ALDH7A1: variants seen among roughly 807,000 people sequenced by gnomAD.
ALDH7A1 encodes aldehyde dehydrogenase 7 family member A1, also known as alpha-aminoadipic semialdehyde dehydrogenase.
Under a neutral mutation model 79.9 loss-of-function variants are expected in ALDH7A1, and 63 were observed. The observed-to-expected ratio is 0.79, with a 90% CI of 0.64 to 0.97. ALDH7A1 has a LOEUF of 0.97. Among genes scored for constraint, ALDH7A1 ranks in the 50% least tolerant of loss-of-function variants. The probability of loss-of-function intolerance (pLI) is 0.00; values close to 1 mark genes in which losing one functional copy is unlikely to be tolerated. For missense variants in ALDH7A1, 627 were observed against 665.2 expected (o/e 0.94, Z 0.63); for synonymous variants, 240 against 231.2 (o/e 1.04, Z -0.34).
chr5:126,591,890 G>A (rs951148566), intron 3 of ALDH7A1: 5 of 152,190 alleles, frequency 3.3e-5, no homozygotes, highest in Non-Finnish European at 7.3e-5. Flanking sequence ...CAAGGAACAT[G>A]AGCCTCTGGC....
chr5:126,562,840 C>G (rs1415849825), intron 9 of ALDH7A1, among the ~76,000 whole-genome samples: 2 of 152,124 alleles, frequency 1.3e-5, no homozygotes, highest in Admixed American at 1.3e-4. Context: ...GAGCGAGACT[C>G]CATGGTTGTA....
intron 13 of ALDH7A1, among the ~76,000 whole-genome samples, chr5:126,554,064 C>T (rs1035058101): frequency 7.9e-5 from 12 of 152,056 alleles, no homozygotes; most frequent in African/African-American, 1.9e-4. Flanking sequence ...GCCAAGATTG[C>T]GCCACTGCAC....
At chr5:126,545,488 C>A (rs1749755495) in intron 17 of ALDH7A1, among the ~76,000 whole-genome samples, 1 of 142,904 alleles carries the variant, frequency 7.0e-6, no homozygotes, top group Non-Finnish European at 1.5e-5. Flanking sequence ...GTCTTGAACT[C>A]CTGACCTCAA....
At chr5:126,584,175 A>C (rs1751276628) in intron 3 of ALDH7A1, among the ~76,000 whole-genome samples, 163 bp from the exon 4 acceptor site, 1 of 152,210 alleles carries the variant, frequency 6.6e-6, no homozygotes, top group African/African-American at 2.4e-5. Flanking sequence ...CCAAAATAAG[A>C]AGCAAGGCAT....
intron 3 of ALDH7A1, among the ~76,000 whole-genome samples, chr5:126,584,917 G>A (rs1198204212): frequency 6.6e-6 from 1 of 152,174 alleles, no homozygotes; most frequent in East Asian, 1.9e-4. Context: ...AGTTTGAGAT[G>A]TGATTTATGA....
At position 126,565,545 on chromosome 5, in the gene ALDH7A1, C is replaced by T. The variant is rs80129827; in HGVS notation, c.871+2714G>A. Among the ~76,000 whole-genome samples, 1,171 of 152,056 alleles carry T rather than the reference C, an allele frequency of 7.7e-3. 6 individuals carry two copies. The highest frequency in any genetic ancestry group is 0.012 in the Non-Finnish European group (813 of 68,000). ...TCAAATGACTTACAAACATTTTCTG[C>T]CATTCGGTAGGTTGTTCTTTTCACT... is the stretch of plus-strand genomic sequence containing the variant. On this transcript the variant is annotated intron_variant, in intron 9 of 17. Coordinates refer to ENST00000409134, the MANE Select transcript of ALDH7A1 (RefSeq NM_001182.5).
chr5:126,564,621 T>C (rs1481885550), intron 9 of ALDH7A1: 4 of 1,207,824 alleles, frequency 3.3e-6, no homozygotes, highest in Middle Eastern at 2.1e-4. Context: ...AAGTGAATAT[T>C]AATTATGAAG....
intron 16 of ALDH7A1, chr5:126,549,359 A>G (rs1210031876): frequency 6.6e-6 from 1 of 152,468 alleles, no homozygotes; most frequent in East Asian, 1.9e-4. Context: ...AAAAAAAACA[A>G]GCAATCTGTT....
rs558168250 is a variant in ALDH7A1, at chr5:126,559,669, G to A, written c.914-335C>T. 1.1e-3 allele frequency among the ~76,000 whole-genome samples: 166 copies of A among 152,254 alleles called. 1 individual carries two copies. Among genetic ancestry groups the A allele is most frequent in the Non-Finnish European group, 1.7e-3 (115 of 68,022 alleles). On this transcript the variant is annotated intron_variant, in intron 10 of 17. Coordinates refer to ENST00000409134, the MANE Select transcript of ALDH7A1 (RefSeq NM_001182.5). ...GCCACTTTCAAACTCCTGACCTCAAGTGATGCACCCACCTTGGCCTCCCAA... is the reference window on the plus strand; with the variant it reads ...GCCACTTTCAAACTCCTGACCTCAAATGATGCACCCACCTTGGCCTCCCAA...
intron 10 of ALDH7A1, 100 bp from the exon 11 acceptor site, chr5:126,559,434 G>GTTT (rs759132307): frequency 0.02 from 8,489 of 434,408 alleles, 4 homozygotes; most frequent in Non-Finnish European, 0.026. Flanking sequence ...TTTGGTTTTG[G>GTTT]TTTTTTTTTT....
At chr5:126,580,944 C>T (rs539177116) in intron 5 of ALDH7A1, among the ~76,000 whole-genome samples, 1 of 152,242 alleles carries the variant, frequency 6.6e-6, no homozygotes, top group Admixed American at 6.5e-5. Flanking sequence ...CCTGCCTCAG[C>T]CTCCCGAGTA....
rs529506268 is a variant in ALDH7A1, at chr5:126,594,996, C to G, written c.192+11G>C. 6.3e-6 allele frequency: 10 copies of G among 1,584,310 alleles called. No individual in the cohort carries two copies. The East Asian group carries it at 2.3e-4, about 37-fold the overall frequency. ...CCGGCGGCTGCAGAGATTTCTTGAG[C>G]GCCCGCGTACCTCTCCCCGGCCTCC... On this transcript the variant is annotated intron_variant, in intron 1 of 17. Transcript: ENST00000409134.
At chr5:126,548,937 G>A (rs2112750489) in intron 16 of ALDH7A1, among the ~76,000 whole-genome samples, 1 of 150,738 alleles carries the variant, frequency 6.6e-6, no homozygotes, top group Admixed American at 6.6e-5. Flanking sequence ...TAGCTGGTGT[G>A]GAGGCACATG....
intron 9 of ALDH7A1, chr5:126,564,344 C>G: frequency 2.9e-6 from 1 of 349,342 alleles, no homozygotes; most frequent in South Asian, 1.5e-4. Context: ...ATGGGAGTTT[C>G]ACCATGTAGC....
intron 10 of ALDH7A1, among the ~76,000 whole-genome samples, chr5:126,560,211 C>T (rs911304148): frequency 2.1e-5 from 2 of 97,048 alleles, no homozygotes; most frequent in East Asian, 2.0e-4. Flanking sequence ...ATGGCTCATG[C>T]CTGTAATCCC....
intron 3 of ALDH7A1, among the ~76,000 whole-genome samples, chr5:126,589,413 C>A (rs1245361307): frequency 6.6e-6 from 1 of 152,040 alleles, no homozygotes; most frequent in Non-Finnish European, 1.5e-5. Flanking sequence ...CACTTGGCCT[C>A]CCAAAGTGCT....
chr5:126,566,289 T>TA (rs1750581798), intron 9 of ALDH7A1, among the ~76,000 whole-genome samples: 1 of 152,216 alleles, frequency 6.6e-6, no homozygotes, highest in Admixed American at 6.5e-5. Context: ...GCAACAGACT[T>TA]ACACTTCTTT....
chr5:126,584,308 A>G (rs1028185290), intron 3 of ALDH7A1: 7 of 386,682 alleles, frequency 1.8e-5, no homozygotes, highest in Non-Finnish European at 3.3e-5. Context: ...ATAAAAAGGA[A>G]GCTGAGACAG....
intron 13 of ALDH7A1, among the ~76,000 whole-genome samples, chr5:126,553,716 G>A (rs1019678889): frequency 7.9e-5 from 12 of 151,702 alleles, no homozygotes; most frequent in African/African-American, 1.5e-4. Context: ...GGAGCCTGAG[G>A]TGGGAGGATT....
Sources: allele counts gnomAD v4.1 joint callset (sites outside exome capture counted in the v4.1 genomes callset), GRCh38; gene constraint gnomAD v4.1.1; transcripts MANE v1.5; gene names NCBI Gene and HGNC (gene_info 2026-07-23, HGNC 2026-07-21).